The following UNC5D variants were observed in gnomAD, a reference collection of about 807,000 sequenced individuals.
UNC5D encodes the protein netrin receptor UNC5D.
In UNC5D, 39 loss-of-function variants were observed where a neutral mutation model predicts 105.4. The observed-to-expected ratio is 0.37, with a 90% CI of 0.29 to 0.48. The LOEUF (loss-of-function observed/expected upper bound fraction) is 0.48. UNC5D is among the 20% of genes least tolerant of loss of function. The probability of loss-of-function intolerance (pLI) is 0.98; values close to 1 mark genes in which losing one functional copy is unlikely to be tolerated. For synonymous variants in UNC5D, 452 were observed against 450.4 expected (o/e 1.00, Z -0.04); for missense variants, 991 against 1,202.4 (o/e 0.82, Z 2.60).
rs951112592 is a variant in UNC5D, at chr8:35,790,856, A to G, written c.*293A>G. Reference sequence around the variant, plus strand: ...AAGTGAGGGCAGAAGTAGCTGTGGGAAAAGATGAGCTATGATAATGCTGGG... The same window carrying G: ...AAGTGAGGGCAGAAGTAGCTGTGGGGAAAGATGAGCTATGATAATGCTGGG... On this transcript the variant is annotated 3_prime_UTR_variant, in exon 17 of 17. Transcript: ENST00000404895. 4.6e-6 allele frequency: 2 copies of G among 437,148 alleles called. No individual in the cohort carries two copies. Among genetic ancestry groups the G allele is most frequent in the African/African-American group, 3.9e-5 (2 of 50,828 alleles). 27.1% of individuals were successfully genotyped at this position (437,148 alleles called of 1,614,324 possible).
intron 1 of UNC5D, among the ~76,000 whole-genome samples, chr8:35,428,707 G>A (rs1005585366): frequency 1.3e-5 from 2 of 152,016 alleles, no homozygotes; most frequent in Non-Finnish European, 2.9e-5. Flanking sequence ...CCCTTGACCA[G>A]CAAGGACTTA....
At chr8:35,259,033 C>T (rs1336467643) in intron 1 of UNC5D, among the ~76,000 whole-genome samples, 1 of 152,020 alleles carries the variant, frequency 6.6e-6, no homozygotes, top group Non-Finnish European at 1.5e-5. Context: ...AAGGTGCATT[C>T]AACAGAAAAC....
chr8:35,408,145 ATTAAG>A (rs1048818381), intron 1 of UNC5D, among the ~76,000 whole-genome samples: 18 of 152,142 alleles, frequency 1.2e-4, no homozygotes, highest in African/African-American at 4.3e-4. Context: ...TTATGAAAAT[ATTAAG>A]TTATTAGTAT....
chr8:35,712,250 G>A (rs1434508861), intron 8 of UNC5D, among the ~76,000 whole-genome samples: 2 of 152,172 alleles, frequency 1.3e-5, no homozygotes, highest in Non-Finnish European at 2.9e-5. Context: ...CAGCCTGGAC[G>A]ACAGAGTGAG....
At chr8:35,545,700 T>C (rs1298089895) in intron 1 of UNC5D, among the ~76,000 whole-genome samples, 1 of 152,030 alleles carries the variant, frequency 6.6e-6, no homozygotes, top group Non-Finnish European at 1.5e-5. Flanking sequence ...TTTAGACGGA[T>C]GCAAATAAAC....
rs1018835470 is a variant in UNC5D, at chr8:35,792,520, T to C, written c.*1957T>C. On this transcript the variant is annotated 3_prime_UTR_variant, in exon 17 of 17. Transcript: ENST00000404895. ...CCCTTTTGCTAGTGTGCTTAACTTA[T>C]TTATTTCTTCTAGGAAACAATAGAT... is the stretch of plus-strand genomic sequence containing the variant. The C allele has an allele frequency of 2.0e-4, 31 of 154,426 alleles. 1 individual carries two copies. The highest frequency in any genetic ancestry group is 6.8e-4 in the African/African-American group (28 of 41,460). 9.6% of individuals were successfully genotyped at this position (154,426 alleles called of 1,614,324 possible). A position where few individuals can be genotyped will look rare whatever the true frequency, so the allele number is the denominator to read the frequency against.
At chr8:35,753,260 A>T (rs1830367305) in intron 13 of UNC5D, among the ~76,000 whole-genome samples, 1 of 150,794 alleles carries the variant, frequency 6.6e-6, no homozygotes, top group Non-Finnish European at 1.5e-5. Flanking sequence ...TTCATCATTG[A>T]GAGATATTTC....
Position 35,750,684 on chromosome 8 carries a change from G to A in UNC5D, c.2038G>A (p.Gly680Arg), listed in dbSNP as rs1451783356. 1 of 1,614,146 alleles carries A rather than the reference G, an allele frequency of 6.2e-7. No homozygotes were observed. The highest frequency in any genetic ancestry group is 8.5e-7 in the Non-Finnish European group (1 of 1,180,026). Residue 680 changes from glycine to arginine, a missense_variant, in exon 13 of 17, where the codon GGA (glycine) becomes AGA (arginine). By Grantham distance (125) the Gly-to-Arg change is moderately radical. Coordinates refer to ENST00000404895, the MANE Select transcript of UNC5D (RefSeq NM_080872.4). Reference protein sequence around the residue: ...LDSFGTYALTGEPITDCAVKQ... With the variant: ...LDSFGTYALTREPITDCAVKQ... ...CAGCTTTGGGACCTATGCGCTCACT[G>A]GAGAGCCAATCACAGACTGTGCCGT...
At chr8:35,505,257 G>A (rs1009755593) in intron 1 of UNC5D, among the ~76,000 whole-genome samples, 1 of 152,188 alleles carries the variant, frequency 6.6e-6, no homozygotes, top group Non-Finnish European at 1.5e-5. Flanking sequence ...GGATAAATGT[G>A]GCAAGGCTTA....
Position 35,750,753 on chromosome 8 carries a change from T to A in UNC5D, c.2107T>A (p.Ser703Thr). The A allele has an allele frequency of 6.2e-7, 1 of 1,614,152 alleles. No homozygotes were observed. The highest frequency in any genetic ancestry group is 8.5e-7 in the Non-Finnish European group (1 of 1,180,006). The change falls in exon 13 of 17, where the codon TCC (serine) becomes ACC (threonine). Residue 703 changes from serine to threonine, a missense_variant. Physicochemically the swap from Ser to Thr is moderately conservative, Grantham distance 58 (BLOSUM62 1). This residue lies in a region of UNC5D where 944 missense variants were observed against 1,131.6 expected (regional missense o/e 0.83). Transcript: ENST00000404895. Reference protein sequence around the residue: ...VAVFGCMSCNSLDYNLRVYCV... With the variant: ...VAVFGCMSCNTLDYNLRVYCV... The stretch of plus-strand genomic sequence containing the variant: ...GGTTTTTGGCTGCATGTCCTGTAAC[T>A]CCCTGGATTACAACTTGAGAGTTTA...
intron 1 of UNC5D, among the ~76,000 whole-genome samples, chr8:35,276,122 T>G (rs955660560): frequency 1.3e-5 from 2 of 152,232 alleles, no homozygotes; most frequent in African/African-American, 2.4e-5. Context: ...ATTTAATCAC[T>G]CTTCTTAATA....
chr8:35,456,753 A>C (rs1211429608), intron 1 of UNC5D, among the ~76,000 whole-genome samples: 25 of 152,196 alleles, frequency 1.6e-4, no homozygotes, highest in Admixed American at 1.6e-3. Context: ...TGTTAAATCT[A>C]ATAGTGCCTC....
At chr8:35,364,872 G>A (rs1376980931) in intron 1 of UNC5D, among the ~76,000 whole-genome samples, 2 of 152,156 alleles carry the variant, frequency 1.3e-5, no homozygotes, top group East Asian at 3.8e-4. Flanking sequence ...ATATAGAAAA[G>A]TAGTATTGAA....
chr8:35,408,636 G>A (rs1458648107), intron 1 of UNC5D, among the ~76,000 whole-genome samples: 1 of 151,658 alleles, frequency 6.6e-6, no homozygotes, highest in Non-Finnish European at 1.5e-5. Context: ...ACCGGAAGGG[G>A]TATTTCCTAT....
Position 35,618,167 on chromosome 8 carries a change from T to C in UNC5D, c.570+22510T>C, listed in dbSNP as rs564300179. The stretch of plus-strand genomic sequence containing the variant: ...AGATCTGCATAATACCACCAGAACT[T>C]GACAAGAGCAGTCACTCTAGTTCAT... On this transcript the variant is annotated intron_variant, in intron 4 of 16. Coordinates refer to ENST00000404895, the MANE Select transcript of UNC5D (RefSeq NM_080872.4). Among the ~76,000 whole-genome samples, 163 of 152,314 alleles carry C rather than the reference T, an allele frequency of 1.1e-3. 1 individual carries two copies. Among genetic ancestry groups the C allele is most frequent in the Admixed American group, 2.0e-3 (31 of 15,296 alleles).
chr8:35,633,596 T>A (rs187082010), intron 4 of UNC5D, among the ~76,000 whole-genome samples: 2,191 of 150,248 alleles, frequency 0.015, 54 homozygotes, highest in African/African-American at 0.046. Context: ...AAAAAAAAAT[T>A]TTTTTTAAAT....
chr8:35,696,875 G>A (rs1156984866), intron 7 of UNC5D, among the ~76,000 whole-genome samples: 1 of 152,118 alleles, frequency 6.6e-6, no homozygotes, highest in Non-Finnish European at 1.5e-5. Flanking sequence ...GTACAGGACA[G>A]TGTTAGTGTT....
chr8:35,249,378 C>A (rs1444354554), intron 1 of UNC5D, among the ~76,000 whole-genome samples: 1 of 148,974 alleles, frequency 6.7e-6, no homozygotes, highest in African/African-American at 2.4e-5. Flanking sequence ...GCTAACATGG[C>A]GAAACCCCAT....
At chr8:35,435,578 T>C (rs972270317) in intron 1 of UNC5D, among the ~76,000 whole-genome samples, 1 of 152,076 alleles carries the variant, frequency 6.6e-6, no homozygotes, top group Non-Finnish European at 1.5e-5. Flanking sequence ...TCTAAGCATA[T>C]GAAACAATGT....
Sources: gnomAD v4.1 joint callset for allele counts (sites outside exome capture counted in the v4.1 genomes callset) on GRCh38, gnomAD v4.1.1 for gene constraint, gnomAD v4.1.1 regional missense constraint, MANE v1.5 for transcripts, NCBI Gene and HGNC (gene_info 2026-07-23, HGNC 2026-07-21) for gene names.